The following ENTPD7 variants were observed in gnomAD, a reference collection of about 807,000 sequenced individuals.
ENTPD7 encodes NTPDase 7.
A neutral mutation model predicts 77.9 loss-of-function variants in ENTPD7; 53 were observed. The ratio of observed to expected loss-of-function variants is 0.68; its 90% confidence interval spans 0.55 to 0.85. The LOEUF is 0.85. ENTPD7 is among the 40% of genes least tolerant of loss of function. The pLI, the probability that ENTPD7 is intolerant of heterozygous loss-of-function variation, is 0.00. For missense variants in ENTPD7, 636 were observed against 743.7 expected (o/e 0.86, Z 1.68); for synonymous variants, 248 against 274.9 (o/e 0.90, Z 0.97).
At chr10:99,683,446 A>G (rs2035777154) in intron 5 of ENTPD7, among the ~76,000 whole-genome samples, 1 of 152,236 alleles carries the variant, frequency 6.6e-6, no homozygotes, top group African/African-American at 2.4e-5. Context: ...AAATTACACC[A>G]TAATACAAGG....
intron 5 of ENTPD7, among the ~76,000 whole-genome samples, chr10:99,681,464 G>C (rs1227617327): frequency 6.6e-6 from 1 of 151,566 alleles, no homozygotes; most frequent in East Asian, 1.9e-4. Context: ...ATTTTTTTTT[G>C]TAGAGATGGG....
intron 8 of ENTPD7, 37 bp from the exon 9 acceptor site, chr10:99,695,919 A>C: frequency 4.5e-6 from 7 of 1,572,570 alleles, no homozygotes; most frequent in African/African-American, 1.4e-5. Flanking sequence ...GGCAACCAAA[A>C]CTAAAATTCC....
chr10:99,660,887 A>G (rs1231727930), intron 2 of ENTPD7, among the ~76,000 whole-genome samples: 1 of 150,470 alleles, frequency 6.6e-6, no homozygotes, highest in Non-Finnish European at 1.5e-5. Context: ...GCGCTACTAC[A>G]CTCCAGCCTG....
chr10:99,698,845 C>A lies in ENTPD7; in HGVS notation c.1322C>A (p.Ala441Asp). The A allele has an allele frequency of 6.2e-7, 1 of 1,601,306 alleles. No individual in the cohort carries two copies. The highest frequency in any genetic ancestry group is 8.5e-7 in the Non-Finnish European group (1 of 1,172,760). ...IGGRYHGPTF[A>D]KAAQDYCGMA... The stretch of plus-strand genomic sequence containing the variant: ...GGCCGCTACCATGGGCCAACATTTG[C>A]CAAGGCTGCTCAGGTAAATTATTAA... Residue 441 changes from alanine to aspartate, a missense_variant, in exon 10 of 13, where the codon GCC (alanine) becomes GAC (aspartate). By Grantham distance (126) the Ala-to-Asp change is moderately radical. Coordinates refer to ENST00000370489, the MANE Select transcript of ENTPD7 (RefSeq NM_020354.5).
At position 99,688,687 on chromosome 10, in the gene ENTPD7, T is replaced by G; in HGVS notation, c.653-7T>G. The G allele has an allele frequency of 6.2e-7, 1 of 1,613,872 alleles. No homozygotes were observed. On this transcript the variant is annotated splice_region_variant and splice_polypyrimidine_tract_variant and intron_variant, in intron 6 of 12. Coordinates refer to ENST00000370489, the MANE Select transcript of ENTPD7 (RefSeq NM_020354.5). ...ATTAAGTGAGGGCTTTTCTGTTTCT[T>G]ACTTAGGGGTTTATGCATGGATTGG... is the stretch of plus-strand genomic sequence containing the variant.
intron 9 of ENTPD7, among the ~76,000 whole-genome samples, chr10:99,697,054 A>G (rs1332578646): frequency 1.3e-5 from 2 of 152,240 alleles, no homozygotes; most frequent in African/African-American, 4.8e-5. Context: ...AAGTACTGGT[A>G]TACCCCGTTT....
In ENTPD7 at chr10:99,710,834, C is replaced by T. The variant is rs1314844311; in HGVS notation, c.*6151C>T. On this transcript the variant is annotated 3_prime_UTR_variant, in exon 13 of 13. Transcript: ENST00000370489. ...GCTACAATAGATAGTATTTGTCAGT[C>T]TAAGTTACAGACAAAAAATTCTAGG... 3.0e-6 allele frequency: 3 copies of T among 985,228 alleles called. No individual in the cohort carries two copies. The highest frequency in any genetic ancestry group is 9.4e-5 in the South Asian group (2 of 21,284). The allele number at this position is 985,228 out of a possible 1,614,324, so 61.0% of individuals were successfully genotyped here.
Position 99,698,779 on chromosome 10 carries a change from C to G in ENTPD7, c.1256C>G (p.Ser419Cys), listed in dbSNP as rs764542399. 5.6e-6 allele frequency: 9 copies of G among 1,614,084 alleles called. No homozygotes were observed. The highest frequency in any genetic ancestry group is 7.6e-6 in the Non-Finnish European group (9 of 1,180,042). ...AACAACAGCGAGTTCTACGGCTTCT[C>G]TGAGTTTTTTTATTGTACAGAGGAT... ...DFNNSEFYGF[S>C]EFFYCTEDVL... The change falls in exon 10 of 13, where the codon TCT becomes TGT. Residue 419 changes from serine to cysteine, a missense_variant. Ser to Cys is a moderately radical substitution (Grantham distance 112, BLOSUM62 -1). Around this residue, in one of 3 missense-constraint regions of ENTPD7, gnomAD observed 486 missense variants for 556.5 expected, o/e 0.87. Transcript: ENST00000370489.
chr10:99,696,498 C>T (rs1023657173), intron 9 of ENTPD7, among the ~76,000 whole-genome samples: 2 of 152,200 alleles, frequency 1.3e-5, no homozygotes, highest in Non-Finnish European at 2.9e-5. Context: ...TGTTGAATTA[C>T]AGTGCAGTTG....
rs374370956 is a variant in ENTPD7, at chr10:99,704,412, A to C, written c.1584-40A>C. 24 of 1,595,510 alleles carry C rather than the reference A, an allele frequency of 1.5e-5. No homozygotes were observed. In the African/African-American group the frequency reaches 1.7e-4, roughly 12 times the overall value. On this transcript the variant is annotated intron_variant, in intron 12 of 12. Transcript: ENST00000370489. ...CAGTAAATGTCTCCCTTTGAAACTT[A>C]ACAGTTTTTTCCACCTACAAATTCT... is the stretch of plus-strand genomic sequence containing the variant.
At chr10:99,690,619 T>C (rs2035869802) in intron 7 of ENTPD7, among the ~76,000 whole-genome samples, 1 of 151,570 alleles carries the variant, frequency 6.6e-6, no homozygotes, top group African/African-American at 2.4e-5. Flanking sequence ...CTCGGCTCAC[T>C]ACAACCTCCG....
chr10:99,702,560 A>T lies in ENTPD7; in HGVS notation c.1470A>T (p.Gly490=). The T allele has an allele frequency of 6.2e-7, 1 of 1,611,774 alleles. No homozygotes were observed. Among genetic ancestry groups the T allele is most frequent in the Non-Finnish European group, 8.5e-7 (1 of 1,178,986 alleles). Residue 490 remains glycine, a synonymous_variant, in exon 12 of 13, where the codon GGA becomes GGT. Coordinates refer to ENST00000370489, the MANE Select transcript of ENTPD7 (RefSeq NM_020354.5). The part of the protein sequence containing the change: ...SAWMYQVLHE[G]FHFPYDYPNL... The stretch of plus-strand genomic sequence containing the variant: ...GGATGTACCAAGTCTTACATGAAGG[A>T]TTCCACTTTCCCTATGACTACCCAA...
intron 3 of ENTPD7, among the ~76,000 whole-genome samples, chr10:99,677,484 C>T (rs564133321): frequency 2.6e-5 from 4 of 151,610 alleles, no homozygotes; most frequent in African/African-American, 7.3e-5. Context: ...CCTGCCTCAG[C>T]CTCCTGAGTA....
intron 6 of ENTPD7, among the ~76,000 whole-genome samples, chr10:99,687,877 G>A (rs1368636862): frequency 6.6e-6 from 1 of 152,092 alleles, no homozygotes; most frequent in African/African-American, 2.4e-5. Context: ...TCTCATGACT[G>A]CATCTGCATC....
chr10:99,696,223 C>T, intron 9 of ENTPD7, 101 bp downstream of exon 9: 2 of 1,401,812 alleles, frequency 1.4e-6, no homozygotes, highest in African/African-American at 1.4e-5. Flanking sequence ...GTCCCTGCTT[C>T]CTCCTTCTTT....
At chr10:99,696,533 G>A (rs961498179) in intron 9 of ENTPD7, among the ~76,000 whole-genome samples, 4 of 152,174 alleles carry the variant, frequency 2.6e-5, no homozygotes, top group African/African-American at 9.7e-5. Flanking sequence ...GTTCAGTTCT[G>A]TAGTATGTCT....
In ENTPD7 at chr10:99,695,978, T is replaced by G. The variant is rs776370975; in HGVS notation, c.866T>G (p.Leu289Arg). 5.6e-6 allele frequency: 9 copies of G among 1,613,630 alleles called. No individual in the cohort carries two copies. In the African/African-American group the frequency reaches 1.2e-4, roughly 22 times the overall value. ...AKQEEAAKIL[L>R]AEFNLGCDVQ... ...TAGGAAGAAGCTGCCAAGATCCTGCTGGCTGAGTTCAACCTGGGCTGTGAT... is the reference window on the plus strand; with the variant it reads ...TAGGAAGAAGCTGCCAAGATCCTGCGGGCTGAGTTCAACCTGGGCTGTGAT... Residue 289 changes from leucine to arginine, a missense_variant, in exon 9 of 13, where the codon CTG becomes CGG. Leu to Arg is a moderately radical substitution (Grantham distance 102). Transcript: ENST00000370489.
Position 99,710,834 on chromosome 10 carries a change from C to CT in ENTPD7, c.*6152dup. On this transcript the variant is annotated 3_prime_UTR_variant, in exon 13 of 13. Transcript: ENST00000370489. ...GCTACAATAGATAGTATTTGTCAGT[C>CT]TAAGTTACAGACAAAAAATTCTAGG... is the stretch of plus-strand genomic sequence containing the variant. 1.0e-6 allele frequency: 1 copy of CT among 985,346 alleles called. No individual in the cohort carries two copies. The highest frequency in any genetic ancestry group is 1.2e-6 in the Non-Finnish European group (1 of 829,918). The allele number at this position is 985,346 out of a possible 1,614,324, so 61.0% of individuals were successfully genotyped here. A position where few individuals can be genotyped will look rare whatever the true frequency, so the allele number is the denominator to read the frequency against.
chr10:99,667,998 G>A (rs1296681440), intron 3 of ENTPD7, among the ~76,000 whole-genome samples: 1 of 121,352 alleles, frequency 8.2e-6, no homozygotes, highest in Non-Finnish European at 1.6e-5. Context: ...GCAGTGGCAT[G>A]ATCTCAGCTC....
Sources: gnomAD v4.1 joint callset for allele counts (sites outside exome capture counted in the v4.1 genomes callset) on GRCh38, gnomAD v4.1.1 for gene constraint, gnomAD v4.1.1 regional missense constraint, MANE v1.5 for transcripts, NCBI Gene and HGNC (gene_info 2026-07-23, HGNC 2026-07-21) for gene names.